TIMP2: variants seen among roughly 807,000 people sequenced by gnomAD.
TIMP2 encodes the protein metalloproteinase inhibitor 2.
In TIMP2, 5 loss-of-function variants were observed where a neutral mutation model predicts 24.3. The ratio of observed to expected loss-of-function variants is 0.21; its 90% CI spans 0.11 to 0.43. The LOEUF is 0.43. Among genes scored for constraint, TIMP2 ranks in the 20% least tolerant of loss-of-function variants. The pLI, the probability that TIMP2 is intolerant of heterozygous loss-of-function variation, is 1.00. For missense variants in TIMP2, 221 were observed against 297.5 expected, an observed-to-expected ratio of 0.74 and a Z score of 1.89; for synonymous variants, 130 against 123.2, an observed-to-expected ratio of 1.06 and a Z score of -0.37.
chr17:78,884,772 C>T (rs1215848410), intron 1 of TIMP2, among the ~76,000 whole-genome samples: 3 of 152,228 alleles, frequency 2.0e-5, no homozygotes, highest in Non-Finnish European at 4.4e-5. Flanking sequence ...ATATAACCCC[C>T]TTGCCATTTG....
At chr17:78,885,250 T>G (rs1472595621) in intron 1 of TIMP2, among the ~76,000 whole-genome samples, 1 of 151,804 alleles carries the variant, frequency 6.6e-6, no homozygotes, top group Non-Finnish European at 1.5e-5. Flanking sequence ...AAATGCAGAG[T>G]GAGGCGCGAA....
rs1043792978 is a variant in TIMP2 at position 78,855,040 on chromosome 17, G to T, written c.*627C>A. On this transcript the variant is annotated 3_prime_UTR_variant, in exon 5 of 5. Coordinates refer to ENST00000262768, the MANE Select transcript of TIMP2 (RefSeq NM_003255.5). This position sits in a 1 kb window ranked among gnomAD's most constrained non-coding sequence, Gnocchi z 6.0. ...AAGGCTCAGAGGGAGGCTCCCACTG[G>T]AATTCTGAGGATTAATAGGATTGAT... 3 of 152,896 alleles carry T rather than the reference G, an allele frequency of 2.0e-5. No homozygotes were observed. The highest frequency in any genetic ancestry group is 4.4e-5 in the Non-Finnish European group (3 of 68,652). The allele number at this position is 152,896 out of a possible 1,614,324, so 9.5% of individuals were successfully genotyped here.
intron 1 of TIMP2, among the ~76,000 whole-genome samples, chr17:78,913,235 A>C (rs2070224620): frequency 6.6e-6 from 1 of 151,894 alleles, no homozygotes; most frequent in African/African-American, 2.4e-5. Context: ...GCAGGGCTCT[A>C]ACAACAGCGT....
intron 1 of TIMP2, among the ~76,000 whole-genome samples, chr17:78,886,483 G>A (rs922237905): frequency 1.4e-4 from 22 of 152,042 alleles, no homozygotes; most frequent in African/African-American, 4.6e-4. Flanking sequence ...AGGCGGCTAC[G>A]CTCCAGGTCT....
chr17:78,892,191 A>T, intron 1 of TIMP2: 2 of 1,550,980 alleles, frequency 1.3e-6, no homozygotes, highest in Non-Finnish European at 1.7e-6. Context: ...TGGAGCTGGT[A>T]GTTTTTCCAC....
At chr17:78,878,569 G>A (rs2069749763) in intron 1 of TIMP2, among the ~76,000 whole-genome samples, 1 of 152,210 alleles carries the variant, frequency 6.6e-6, no homozygotes, top group Non-Finnish European at 1.5e-5. Flanking sequence ...GCTTCCCAGC[G>A]TGCTAGCTTT....
intron 2 of TIMP2, among the ~76,000 whole-genome samples, chr17:78,872,775 T>C (rs1404019565): frequency 6.6e-6 from 1 of 151,910 alleles, no homozygotes; most frequent in African/African-American, 2.4e-5. Context: ...CTGACATACA[T>C]GTGATGATGA....
At chr17:78,877,349 C>T (rs1397204227) in intron 1 of TIMP2, among the ~76,000 whole-genome samples, 1 of 152,156 alleles carries the variant, frequency 6.6e-6, no homozygotes, top group Non-Finnish European at 1.5e-5. Flanking sequence ...GAGGCCGAGG[C>T]GGGCGGATCA....
At position 78,925,280 on chromosome 17, in the gene TIMP2, G is replaced by C. The variant is rs1279565331; in HGVS notation, c.-192C>G. The C allele has an allele frequency of 6.7e-6, 1 of 148,476 alleles. No homozygotes were observed. The highest frequency in any genetic ancestry group is 1.5e-5 in the Non-Finnish European group (1 of 66,412). The allele number at this position is 148,476 out of a possible 1,614,324, so 9.2% of individuals were successfully genotyped here. A position where few individuals can be genotyped will look rare whatever the true frequency, so the allele number is the denominator to read the frequency against. On this transcript the variant is annotated 5_prime_UTR_variant, in exon 1 of 5. Transcript: ENST00000262768. Reference sequence around the variant, plus strand: ...CCTCTTTGTCTCGGGGGCGCGAGGGGAGGGGCGCGGGGCGCAATTCGCCGG... The same window carrying C: ...CCTCTTTGTCTCGGGGGCGCGAGGGCAGGGGCGCGGGGCGCAATTCGCCGG...
rs142959879 is a variant in TIMP2, at chr17:78,884,872, G to A, written c.131-10953C>T. Among the ~76,000 whole-genome samples the A allele has an allele frequency of 9.8e-5, 15 of 152,320 alleles. No homozygotes were observed. In the East Asian group the frequency reaches 2.5e-3, roughly 25 times the overall value. On this transcript the variant is annotated intron_variant, in intron 1 of 4. Coordinates refer to ENST00000262768, the MANE Select transcript of TIMP2 (RefSeq NM_003255.5). ...CCTATTTCCTTTTGTCTTATGTGTC[G>A]GAGATCCTGGTCACACAGGGCTTGA...
intron 1 of TIMP2, among the ~76,000 whole-genome samples, chr17:78,874,513 C>T (rs548339214): frequency 6.6e-6 from 1 of 152,190 alleles, no homozygotes; most frequent in Non-Finnish European, 1.5e-5. Flanking sequence ...GGGGGTCTTA[C>T]ATCTGGAAAG....
chr17:78,871,589 G>A (rs745413968), intron 2 of TIMP2, among the ~76,000 whole-genome samples: 22 of 152,102 alleles, frequency 1.4e-4, no homozygotes, highest in Non-Finnish European at 2.8e-4. Context: ...GCTCACACCA[G>A]TAATCCCAGC....
rs1599170019 is a variant in TIMP2, at chr17:78,901,658, C to T, written c.130+23301G>A. On this transcript the variant is annotated intron_variant, in intron 1 of 4. Coordinates refer to ENST00000262768, the MANE Select transcript of TIMP2 (RefSeq NM_003255.5). ...ATGTGACCTAGGCCAAGCGACTTCA[C>T]TCTGGGTGCCTCAGTTTGCTCTTTA... 5.6e-6 allele frequency: 4 copies of T among 709,320 alleles called. No homozygotes were observed. In the East Asian group the frequency reaches 8.1e-5, roughly 14 times the overall value. 43.9% of individuals were successfully genotyped at this position (709,320 alleles called of 1,614,324 possible).
At position 78,909,805 on chromosome 17, in the gene TIMP2, C is replaced by A. The variant is rs188699744; in HGVS notation, c.130+15154G>T. 2.0e-3 allele frequency among the ~76,000 whole-genome samples: 312 copies of A among 152,226 alleles called. 2 individuals are homozygous for A. The highest frequency in any genetic ancestry group is 7.1e-3 in the African/African-American group (295 of 41,534). On this transcript the variant is annotated intron_variant, in intron 1 of 4. Transcript: ENST00000262768. ...CTCCCTTATTCCACCCCCCGCCCCC[C>A]ACAACATTACGGGACCCAGGCCGGG... is the stretch of plus-strand genomic sequence containing the variant.
intron 1 of TIMP2, chr17:78,901,858 A>G: frequency 1.4e-6 from 1 of 703,852 alleles, no homozygotes. Flanking sequence ...ACAGGAGGGC[A>G]GGAAGCACTG....
In TIMP2 at chr17:78,853,085, T is replaced by G. The variant is rs546230456; in HGVS notation, c.*2582A>C. On this transcript the variant is annotated 3_prime_UTR_variant, in exon 5 of 5. Transcript: ENST00000262768. Reference sequence around the variant, plus strand: ...GCTTGTCAACTTTCAACAACTCTTGTGTGTTCCCAGCACCGGAAGGTCTCA... The same window carrying G: ...GCTTGTCAACTTTCAACAACTCTTGGGTGTTCCCAGCACCGGAAGGTCTCA... 6 of 152,732 alleles carry G rather than the reference T, an allele frequency of 3.9e-5. No individual in the cohort carries two copies. The highest frequency in any genetic ancestry group is 1.4e-4 in the African/African-American group (6 of 41,566). 9.5% of individuals were successfully genotyped at this position (152,732 alleles called of 1,614,324 possible).
intron 2 of TIMP2, among the ~76,000 whole-genome samples, chr17:78,873,307 T>G (rs3786144): frequency 9.5e-6 from 1 of 105,114 alleles, no homozygotes; most frequent in African/African-American, 3.3e-5. Flanking sequence ...CCACATATTT[T>G]TTTTTTTTTT....
intron 1 of TIMP2, among the ~76,000 whole-genome samples, chr17:78,908,018 C>T (rs750756622): frequency 6.6e-6 from 1 of 152,064 alleles, no homozygotes; most frequent in Non-Finnish European, 1.5e-5. Context: ...GTCTGTGGTC[C>T]CAGCTACTTG....
chr17:78,902,229 T>C (rs1031067940), intron 1 of TIMP2, among the ~76,000 whole-genome samples: 5 of 152,164 alleles, frequency 3.3e-5, no homozygotes, highest in Non-Finnish European at 7.4e-5. Context: ...GTCTCAGCCT[T>C]CCCAAGTAGC....
Sources: allele counts gnomAD v4.1 joint callset (sites outside exome capture counted in the v4.1 genomes callset), GRCh38; gene constraint gnomAD v4.1.1; non-coding constraint Gnocchi (gnomAD v3.1); transcripts MANE v1.5; gene names NCBI Gene and HGNC (gene_info 2026-07-23, HGNC 2026-07-21).